The following BUB1B variants were observed in gnomAD, a reference collection of about 807,000 sequenced individuals.
BUB1B encodes mitotic checkpoint serine/threonine-protein kinase BUB1 beta.
Under a neutral mutation model 137.7 loss-of-function variants are expected in BUB1B, and 86 were observed. The observed-to-expected ratio is 0.62, with a 90% confidence interval of 0.52 to 0.75. BUB1B has a LOEUF of 0.75. Among genes scored for constraint, BUB1B ranks in the 30% least tolerant of loss-of-function variants. BUB1B has a pLI of 0.00. For missense variants in BUB1B, 1,130 were observed against 1,236.9 expected (o/e 0.91, Z 1.30); for synonymous variants, 420 against 417.9 (o/e 1.00, Z -0.06).
At chr15:40,184,249 G>A (rs910121886) in intron 6 of BUB1B, among the ~76,000 whole-genome samples, 7 of 151,802 alleles carry the variant, frequency 4.6e-5, no homozygotes, top group African/African-American at 1.7e-4. Context: ...AGCCCTTTGG[G>A]ACCAGAAATT....
Position 40,185,348 on chromosome 15 carries a change from C to T in BUB1B, c.935C>T (p.Pro312Leu). ...AAAGAGAATGAGCTGCAAGCAGGCC[C>T]TTGGAACACAGGCAGGTCCTTGGAA... ...RAKENELQAG[P>L]WNTGRSLEHR... is the part of the protein sequence containing the mutation. The change falls in exon 7 of 23, where the codon CCT (proline) becomes CTT (leucine). Residue 312 changes from proline to leucine, a missense_variant. Physicochemically the swap from Pro to Leu is moderately conservative, Grantham distance 98 (BLOSUM62 -3). Transcript: ENST00000287598. 1.9e-6 allele frequency: 3 copies of T among 1,614,186 alleles called. No homozygotes were observed. Among genetic ancestry groups the T allele is most frequent in the Non-Finnish European group, 2.5e-6 (3 of 1,180,034 alleles).
chr15:40,215,031 T>C (rs2037758474), intron 20 of BUB1B, among the ~76,000 whole-genome samples: 1 of 152,134 alleles, frequency 6.6e-6, no homozygotes. Context: ...AATTGGCCAT[T>C]TGTGGTCTAA....
At chr15:40,165,938 T>C (rs1281434706) in intron 2 of BUB1B, among the ~76,000 whole-genome samples, 2 of 149,726 alleles carry the variant, frequency 1.3e-5, no homozygotes, top group African/African-American at 2.5e-5. Context: ...CTGCAACCTC[T>C]GCCTCCCGGT....
intron 5 of BUB1B, 49 bp from the exon 6 acceptor site, chr15:40,183,665 G>T: frequency 2.5e-6 from 4 of 1,584,362 alleles, no homozygotes; most frequent in Non-Finnish European, 3.5e-6. Context: ...TTTTGAGTCT[G>T]GTAAAATAGT....
rs567288636 is a variant in BUB1B at position 40,175,762 on chromosome 15, A to G, written c.385-715A>G. Among the ~76,000 whole-genome samples, 5 of 152,296 alleles carry G rather than the reference A, an allele frequency of 3.3e-5. No homozygotes were observed. The South Asian group carries it at 1.0e-3, about 32-fold the overall frequency. ...TTCAAAATTGATTAGCTTGATATTC[A>G]AGACCTATCACAGCCTTTTTCTCCA... On this transcript the variant is annotated intron_variant, in intron 4 of 22. Coordinates refer to ENST00000287598, the MANE Select transcript of BUB1B (RefSeq NM_001211.6).
At chr15:40,210,016 C>T (rs1371017707) in intron 17 of BUB1B, 94 bp from the exon 18 acceptor site, 1 of 1,084,490 alleles carries the variant, frequency 9.2e-7, no homozygotes, top group Admixed American at 1.8e-5. Context: ...CTGGCAAATA[C>T]ACCAGTGCCT....
chr15:40,182,508 T>C (rs1486292599), intron 5 of BUB1B, among the ~76,000 whole-genome samples: 1 of 152,206 alleles, frequency 6.6e-6, no homozygotes, highest in East Asian at 1.9e-4. Context: ...TCAAGACCTT[T>C]GCTGTGTTGC....
At chr15:40,195,354 A>G (rs2037485596) in intron 8 of BUB1B, among the ~76,000 whole-genome samples, 1 of 152,176 alleles carries the variant, frequency 6.6e-6, no homozygotes, top group Non-Finnish European at 1.5e-5. Context: ...TGGTAGATAT[A>G]TACCACATTT....
In BUB1B at chr15:40,185,609, C is replaced by T. The variant is rs754970139; in HGVS notation, c.1025C>T (p.Pro342Leu). ...CCCGCTGTGCTTCCCAGTTTCACTC[C>T]ATATGTGGAAGAGACTGCACGACAG... ...AVPAVLPSFT[P>L]YVEETARQPV... Residue 342 changes from proline to leucine, a missense_variant, in exon 8 of 23, where the codon CCA becomes CTA. Physicochemically the swap from Pro to Leu is moderately conservative, Grantham distance 98. Transcript: ENST00000287598. The T allele has an allele frequency of 8.7e-6, 14 of 1,614,018 alleles. No homozygotes were observed. Among genetic ancestry groups the T allele is most frequent in the Non-Finnish European group, 1.2e-5 (14 of 1,179,992 alleles).
In BUB1B at chr15:40,221,037, T is replaced by C; in HGVS notation, c.*278T>C. ...TATTTAACCCATTTGTCTCTACTTT[T>C]CCCTGTACTTTTCCCATTTGTAATT... is the stretch of plus-strand genomic sequence containing the variant. On this transcript the variant is annotated 3_prime_UTR_variant, in exon 23 of 23. Transcript: ENST00000287598. 2.2e-6 allele frequency: 1 copy of C among 456,752 alleles called. No homozygotes were observed. The highest frequency in any genetic ancestry group is 2.7e-5 in the South Asian group (1 of 37,178). The allele number at this position is 456,752 out of a possible 1,614,324, so 28.3% of individuals were successfully genotyped here. A position where few individuals can be genotyped will look rare whatever the true frequency, so the allele number is the denominator to read the frequency against.
At position 40,200,275 on chromosome 15, in the gene BUB1B, C is replaced by A. The variant is rs2037549217; in HGVS notation, c.1433C>A (p.Thr478Asn). 1 of 1,613,646 alleles carries A rather than the reference C, an allele frequency of 6.2e-7. No homozygotes were observed. Among genetic ancestry groups the A allele is most frequent in the South Asian group, 1.1e-5 (1 of 91,066 alleles). ...QEETMPTKET[T>N]KLQIASESQK... The stretch of plus-strand genomic sequence containing the variant: ...GAGACGATGCCTACAAAGGAGACAA[C>A]TAAACTGCAAATTGCTTCCGAGTCT... Residue 478 changes from threonine (T) to asparagine (N), a missense_variant, in exon 11 of 23, where the codon ACT (threonine) becomes AAT (asparagine). Thr to Asn is a moderately conservative substitution (Grantham distance 65, BLOSUM62 0). Coordinates refer to ENST00000287598, the MANE Select transcript of BUB1B (RefSeq NM_001211.6).
intron 12 of BUB1B, among the ~76,000 whole-genome samples, chr15:40,201,957 C>T (rs1595529194): frequency 6.6e-6 from 1 of 152,136 alleles, no homozygotes; most frequent in African/African-American, 2.4e-5. Context: ...GTGTGAGCCA[C>T]CACACCCGGC....
intron 8 of BUB1B, among the ~76,000 whole-genome samples, chr15:40,195,279 C>A (rs866719558): frequency 6.6e-6 from 1 of 152,124 alleles, no homozygotes; most frequent in African/African-American, 2.4e-5. Flanking sequence ...TAATGGTCTC[C>A]AATTCCATCC....
rs183777343 is a variant in BUB1B, at chr15:40,161,179, A to G, written c.-42A>G. ...GCCCAGGCGGTCTGTGGCCCAGAGGAAAGGCCTGCAGCAGGACGAGGACCT... is the reference window on the plus strand; with the variant it reads ...GCCCAGGCGGTCTGTGGCCCAGAGGGAAGGCCTGCAGCAGGACGAGGACCT... On this transcript the variant is annotated 5_prime_UTR_variant, in exon 1 of 23. Coordinates refer to ENST00000287598, the MANE Select transcript of BUB1B (RefSeq NM_001211.6). 0.012 allele frequency: 19,692 copies of G among 1,609,880 alleles called. 168 individuals carry two copies. Among genetic ancestry groups the G allele is most frequent in the Non-Finnish European group, 0.014 (16,178 of 1,178,026 alleles).
Position 40,185,308 on chromosome 15 carries a change from C to G in BUB1B, c.895C>G (p.Pro299Ala), listed in dbSNP as rs1263513288. Residue 299 changes from proline to alanine, a missense_variant, in exon 7 of 23, where the codon CCC (proline) becomes GCC (alanine). Physicochemically the swap from Pro to Ala is conservative, Grantham distance 27. Transcript: ENST00000287598. ...KPTVQPWIAP[P>A]MPRAKENELQ... The stretch of plus-strand genomic sequence containing the variant: ...TACAGTCCAGCCATGGATAGCACCC[C>G]CCATGCCCAGGGCCAAAGAGAATGA... 3.7e-6 allele frequency: 6 copies of G among 1,614,072 alleles called. No homozygotes were observed. Among genetic ancestry groups the G allele is most frequent in the African/African-American group, 1.3e-5 (1 of 74,932 alleles).
At chr15:40,210,625 T>G (rs1263185298) in intron 18 of BUB1B, among the ~76,000 whole-genome samples, 3 of 152,090 alleles carry the variant, frequency 2.0e-5, no homozygotes, top group Non-Finnish European at 4.4e-5. Flanking sequence ...TCCTCCCACC[T>G]CAGCCTCTGG....
In BUB1B at chr15:40,212,981, T is replaced by C. The variant is rs144416726; in HGVS notation, c.2535+333T>C. ...TAGTTTTTAAAACCCAGACACAATA[T>C]GTCATTTTACTCTTCGGTTTGTTCT... On this transcript the variant is annotated intron_variant, in intron 19 of 22. Transcript: ENST00000287598. 7.0e-4 allele frequency among the ~76,000 whole-genome samples: 106 copies of C among 152,308 alleles called. 1 individual carries two copies. In the East Asian group the frequency reaches 0.019, roughly 27 times the overall value.
At chr15:40,188,478 A>C (rs1242157086) in intron 8 of BUB1B, among the ~76,000 whole-genome samples, 1 of 152,136 alleles carries the variant, frequency 6.6e-6, no homozygotes, top group Non-Finnish European at 1.5e-5. Context: ...AAAAATCTAT[A>C]ATACGAGTTG....
chr15:40,205,095 C>T (rs1273803381), intron 14 of BUB1B, among the ~76,000 whole-genome samples: 9 of 151,730 alleles, frequency 5.9e-5, no homozygotes, highest in African/African-American at 2.2e-4. Flanking sequence ...TACAGGCGCC[C>T]ACCACCACGC....
Sources: gnomAD v4.1 joint callset for allele counts (sites outside exome capture counted in the v4.1 genomes callset) on GRCh38, gnomAD v4.1.1 for gene constraint, MANE v1.5 for transcripts, NCBI Gene and HGNC (gene_info 2026-07-23, HGNC 2026-07-21) for gene names.